Variants in MAST4 observed in about 807,000 individuals in gnomAD.
MAST4 encodes the protein microtubule associated serine/threonine kinase family member 4, also known as microtubule-associated serine/threonine-protein kinase 4.
Under a neutral mutation model 162.7 loss-of-function variants are expected in MAST4, and 89 were observed. That is an observed-to-expected ratio of 0.55 (90% CI 0.46 to 0.65). The LOEUF (loss-of-function observed/expected upper bound fraction) is 0.65. Among genes scored for constraint, MAST4 ranks in the 30% least tolerant of loss-of-function variants. The pLI is 0.00. For synonymous variants in MAST4, 1,479 were observed against 1,361.1 expected (o/e 1.09, Z -1.91); for missense variants, 3,153 against 3,374.0 (o/e 0.93, Z 1.62).
intron 1 of MAST4, among the ~76,000 whole-genome samples, chr5:66,728,558 A>T (rs1751654915): frequency 6.6e-6 from 1 of 152,216 alleles, no homozygotes; most frequent in Non-Finnish European, 1.5e-5. Flanking sequence ...GACTAAAAAA[A>T]TTTTAGACAT....
At chr5:66,784,108 A>G (rs927272121) in intron 2 of MAST4, among the ~76,000 whole-genome samples, 12 of 151,692 alleles carry the variant, frequency 7.9e-5, no homozygotes, top group Admixed American at 2.0e-4. Flanking sequence ...TTCCCCATCA[A>G]ATCTCTCCCC....
intron 3 of MAST4, among the ~76,000 whole-genome samples, chr5:66,794,185 A>G (rs1363263692): frequency 6.6e-6 from 1 of 152,244 alleles, no homozygotes; most frequent in Non-Finnish European, 1.5e-5. Flanking sequence ...TGGAAACCTT[A>G]TTCAGGAATT....
chr5:66,995,136 A>G (rs1750484713), intron 4 of MAST4, among the ~76,000 whole-genome samples: 1 of 147,956 alleles, frequency 6.8e-6, no homozygotes, highest in Non-Finnish European at 1.5e-5. Context: ...TTTTTATATT[A>G]TAGAATTCCT....
chr5:66,751,751 C>A (rs1753187944), intron 1 of MAST4, among the ~76,000 whole-genome samples: 1 of 150,526 alleles, frequency 6.6e-6, no homozygotes, highest in Non-Finnish European at 1.5e-5. Flanking sequence ...CTTCCCCAGT[C>A]TAGCAAGGCA....
At chr5:66,969,000 C>G (rs540601867) in intron 4 of MAST4, among the ~76,000 whole-genome samples, 1 of 152,332 alleles carries the variant, frequency 6.6e-6, no homozygotes, top group South Asian at 2.1e-4. Context: ...ATCTTACATA[C>G]TGCTGTCTCC....
intron 19 of MAST4, 133 bp downstream of exon 19, chr5:67,136,797 C>T (rs1769707494): frequency 3.2e-6 from 2 of 625,438 alleles, no homozygotes; most frequent in East Asian, 2.9e-5. Flanking sequence ...ATGACTGCAA[C>T]ACATTATAGC....
At chr5:66,947,552 A>G (rs1744184597) in intron 4 of MAST4, among the ~76,000 whole-genome samples, 1 of 151,960 alleles carries the variant, frequency 6.6e-6, no homozygotes, top group South Asian at 2.1e-4. Context: ...CTAACCTCCC[A>G]CTCACTTTAC....
At chr5:67,079,047 A>C (rs1209925657) in intron 5 of MAST4, among the ~76,000 whole-genome samples, 1 of 147,416 alleles carries the variant, frequency 6.8e-6, no homozygotes, top group Admixed American at 6.9e-5. Flanking sequence ...CACTAGTGAA[A>C]ATATCAGTGC....
At chr5:67,005,096 G>T in intron 4 of MAST4, 1 of 748,560 alleles carries the variant, frequency 1.3e-6, no homozygotes, top group East Asian at 2.5e-5. Context: ...GTAAAAACGC[G>T]GGGATCTCTG....
chr5:67,142,167 C>G lies in MAST4; in HGVS notation c.2547C>G (p.Asn849Lys). The G allele has an allele frequency of 6.2e-7, 1 of 1,613,872 alleles. No homozygotes were observed. The highest frequency in any genetic ancestry group is 8.5e-7 in the Non-Finnish European group (1 of 1,179,762). Reference protein sequence around the residue: ...QHRFFRSLDWNSLLRQKAEFI... With the variant: ...QHRFFRSLDWKSLLRQKAEFI... The stretch of plus-strand genomic sequence containing the variant: ...GATTCTTCCGTTCTTTAGACTGGAA[C>G]AGTTTGCTGAGACAGAAGGCAGAAT... Residue 849 changes from asparagine (N) to lysine (K), a missense_variant, in exon 20 of 29, where the codon AAC becomes AAG. Transcript: ENST00000403625.
chr5:66,751,585 G>A (rs1225454588), intron 1 of MAST4, among the ~76,000 whole-genome samples: 1 of 151,680 alleles, frequency 6.6e-6, no homozygotes, highest in African/African-American at 2.4e-5. Context: ...GAGAAGGGAA[G>A]TTTAGAGAAA....
chr5:67,078,013 C>T (rs1401006720), intron 5 of MAST4, among the ~76,000 whole-genome samples: 7 of 152,064 alleles, frequency 4.6e-5, no homozygotes, highest in Non-Finnish European at 8.8e-5. Context: ...GCAGGAGAAT[C>T]GCTTGAACCT....
At chr5:66,864,954 T>G (rs1039455512) in intron 3 of MAST4, among the ~76,000 whole-genome samples, 1 of 149,658 alleles carries the variant, frequency 6.7e-6, no homozygotes, top group Non-Finnish European at 1.5e-5. Flanking sequence ...TAATATATTA[T>G]GAAGTTAAAA....
At chr5:67,029,131 CT>C (rs1163195290) in intron 4 of MAST4, among the ~76,000 whole-genome samples, 1 of 138,958 alleles carries the variant, frequency 7.2e-6, no homozygotes, top group African/African-American at 2.7e-5. Context: ...GAGACACTCT[CT>C]CAAAAAAAAA....
chr5:67,100,365 C>T (rs1463158800), intron 7 of MAST4, 70 bp from the exon 8 acceptor site: 6 of 1,498,558 alleles, frequency 4.0e-6, no homozygotes, highest in East Asian at 2.3e-5. Context: ...TTTAACTCAT[C>T]GATCTCTCCT....
chr5:66,748,589 A>G (rs537923644), intron 1 of MAST4, among the ~76,000 whole-genome samples: 2 of 151,270 alleles, frequency 1.3e-5, no homozygotes, highest in South Asian at 4.3e-4. Flanking sequence ...CTCGGGTTCA[A>G]GCAGTTCTCC....
intron 3 of MAST4, among the ~76,000 whole-genome samples, chr5:66,859,573 G>A (rs999417711): frequency 6.6e-6 from 1 of 152,132 alleles, no homozygotes; most frequent in Non-Finnish European, 1.5e-5. Flanking sequence ...AGATTAAGGG[G>A]CATCTGTATT....
At chr5:66,883,238 C>G (rs1170953879) in intron 3 of MAST4, among the ~76,000 whole-genome samples, 3 of 152,070 alleles carry the variant, frequency 2.0e-5, no homozygotes, top group Admixed American at 1.3e-4. Context: ...TCACTTCTAG[C>G]TTTTCTTTCT....
At chr5:66,631,383 TGGA>T (rs1744784155) in intron 1 of MAST4, among the ~76,000 whole-genome samples, 1 of 152,198 alleles carries the variant, frequency 6.6e-6, no homozygotes, top group Non-Finnish European at 1.5e-5. Flanking sequence ...TTCTGGAATT[TGGA>T]GTTTCTATGT....
Sources: gnomAD v4.1 joint callset for allele counts (sites outside exome capture counted in the v4.1 genomes callset) on GRCh38, gnomAD v4.1.1 for gene constraint, MANE v1.5 for transcripts, NCBI Gene and HGNC (gene_info 2026-07-23, HGNC 2026-07-21) for gene names.